Variants in OCIAD1 observed in about 807,000 individuals in gnomAD.
The protein encoded by OCIAD1 is OCIA domain-containing protein 1.
A neutral mutation model predicts 38.9 loss-of-function variants in OCIAD1; 29 were observed. The observed-to-expected ratio is 0.74, with a 90% CI of 0.55 to 1.02. OCIAD1 has a LOEUF of 1.02. Ranked by LOEUF, OCIAD1 falls within the 50% of genes least tolerant of loss-of-function variation. The pLI, the probability that OCIAD1 is intolerant of heterozygous loss-of-function variation, is 0.00. For synonymous variants in OCIAD1, 110 were observed against 92.0 expected (o/e 1.20, Z -1.12); for missense variants, 288 against 289.6 (o/e 0.99, Z 0.04).
chr4:48,838,058 C>G (rs961062391), intron 3 of OCIAD1, among the ~76,000 whole-genome samples: 1 of 152,100 alleles, frequency 6.6e-6, no homozygotes, highest in African/African-American at 2.4e-5. Context: ...TGGCTCACAC[C>G]TGTAATCCCA....
rs1777448192 is a variant in OCIAD1 at position 48,831,180 on chromosome 4, T to C, written c.-75T>C. 1 of 315,360 alleles carries C rather than the reference T, an allele frequency of 3.2e-6. No homozygotes were observed. Among genetic ancestry groups the C allele is most frequent in the African/African-American group, 2.2e-5 (1 of 45,808 alleles). 19.5% of individuals were successfully genotyped at this position (315,360 alleles called of 1,614,324 possible). On this transcript the variant is annotated 5_prime_UTR_variant, in exon 1 of 9. Transcript: ENST00000264312. ...TTCTCCCTCCCTGCCCCCTCTCGAG[T>C]CCACCCTCCGGGCCTTCTGCCCCTG...
At chr4:48,812,734 G>T (rs1007788005) in intron 1 of OCIAD1, among the ~76,000 whole-genome samples, 1 of 152,214 alleles carries the variant, frequency 6.6e-6, no homozygotes, top group Non-Finnish European at 1.5e-5. Flanking sequence ...GACACAGGAA[G>T]TAGAGATAAT....
chr4:48,853,357 C>T (rs1229583435), intron 7 of OCIAD1, among the ~76,000 whole-genome samples: 1 of 152,088 alleles, frequency 6.6e-6, no homozygotes, highest in Non-Finnish European at 1.5e-5. Flanking sequence ...TCATTCCTGT[C>T]CTAAACCTCT....
At chr4:48,809,771 G>A (rs992248658) in intron 1 of OCIAD1, among the ~76,000 whole-genome samples, 25 of 152,018 alleles carry the variant, frequency 1.6e-4, no homozygotes, top group African/African-American at 5.6e-4. Flanking sequence ...TTCTTCCCTT[G>A]GCTAACTAAT....
chr4:48,847,244 T>C (rs1779053826), intron 4 of OCIAD1, among the ~76,000 whole-genome samples: 1 of 152,240 alleles, frequency 6.6e-6, no homozygotes, highest in South Asian at 2.1e-4. Context: ...CAGCATATCT[T>C]TTTCTGTGAA....
In OCIAD1 at chr4:48,832,654, G is replaced by A. The variant is rs1303396035; in HGVS notation, c.30G>A (p.Pro10=). 6.2e-6 allele frequency: 10 copies of A among 1,612,958 alleles called. No homozygotes were observed. Among genetic ancestry groups the A allele is most frequent in the South Asian group, 2.2e-5 (2 of 91,068 alleles). Residue 10 remains proline, a synonymous_variant, in exon 2 of 9, where the codon CCG becomes CCA. Coordinates refer to ENST00000264312, the MANE Select transcript of OCIAD1 (RefSeq NM_017830.4). MNGRADFRE[P]NAEVPRPIPH... ...ATGGGAGGGCTGATTTTCGAGAGCC[G>A]AATGCAGAGGTTCCAAGACCAATTC...
upstream of OCIAD1, among the ~76,000 whole-genome samples, chr4:48,827,771 C>T (rs182923181): frequency 1.8e-4 from 27 of 152,340 alleles, no homozygotes; most frequent in East Asian, 2.5e-3. Flanking sequence ...ATTGCAGGCA[C>T]GTGGCGTGGG....
intron 4 of OCIAD1, among the ~76,000 whole-genome samples, chr4:48,845,596 T>G (rs1198262130): frequency 6.6e-6 from 1 of 152,214 alleles, no homozygotes; most frequent in Non-Finnish European, 1.5e-5. Flanking sequence ...TGTATGGGTT[T>G]TTTTGTCTAG....
At chr4:48,822,961 C>G (rs1475484175) in intron 1 of OCIAD1, among the ~76,000 whole-genome samples, 1 of 152,136 alleles carries the variant, frequency 6.6e-6, no homozygotes, top group East Asian at 1.9e-4. Flanking sequence ...ATTAGTTCAA[C>G]CATTGTGGAA....
chr4:48,808,304 C>CA (rs1313817281), intron 1 of OCIAD1, among the ~76,000 whole-genome samples: 1 of 151,882 alleles, frequency 6.6e-6, no homozygotes, highest in African/African-American at 2.4e-5. Flanking sequence ...CTCATCTCTA[C>CA]AAAAAATACA....
chr4:48,807,179 C>A (rs1266516839), intron 1 of OCIAD1, among the ~76,000 whole-genome samples: 1 of 152,046 alleles, frequency 6.6e-6, no homozygotes, highest in African/African-American at 2.4e-5. Flanking sequence ...GTAGCTGGGA[C>A]TACAGTGCTT....
intron 3 of OCIAD1, among the ~76,000 whole-genome samples, chr4:48,838,727 AAAG>A (rs979517040): frequency 6.6e-6 from 1 of 152,242 alleles, no homozygotes; most frequent in African/African-American, 2.4e-5. Context: ...AATTTATAAA[AAAG>A]CACTTACTAA....
At chr4:48,836,690 A>G (rs1778017841) in intron 3 of OCIAD1, among the ~76,000 whole-genome samples, 1 of 152,236 alleles carries the variant, frequency 6.6e-6, no homozygotes, top group African/African-American at 2.4e-5. Context: ...AAGAATCAAC[A>G]AAGACCAAGA....
chr4:48,854,553 C>G lies in OCIAD1; in HGVS notation c.547+2578C>G, dbSNP rs140266396. Among the ~76,000 whole-genome samples, 3 of 152,292 alleles carry G rather than the reference C, an allele frequency of 2.0e-5. No individual in the cohort carries two copies. The East Asian group carries it at 5.8e-4, about 29-fold the overall frequency. ...TCCCCACCATTTGCATTAGGAAATT[C>G]TGTTATATAGTTTTTTTCCATACAA... On this transcript the variant is annotated intron_variant, in intron 7 of 8. Transcript: ENST00000264312.
At chr4:48,832,820 T>G (rs1266532851) in intron 2 of OCIAD1, 138 bp downstream of exon 2, 2 of 679,772 alleles carry the variant, frequency 2.9e-6, no homozygotes, top group East Asian at 2.5e-5. Flanking sequence ...CATGTTCTAG[T>G]CTTGTTATCT....
chr4:48,839,015 T>A (rs1160735756), intron 3 of OCIAD1, among the ~76,000 whole-genome samples: 1 of 152,212 alleles, frequency 6.6e-6, no homozygotes, highest in Admixed American at 6.5e-5. Context: ...CATATTCATG[T>A]TAAAATAGTT....
At chr4:48,845,029 G>A (rs1223119196) in intron 4 of OCIAD1, among the ~76,000 whole-genome samples, 1 of 151,982 alleles carries the variant, frequency 6.6e-6, no homozygotes, top group Middle Eastern at 3.2e-3. Context: ...AGGGCTGCCT[G>A]TATCCCCTTT....
chr4:48,835,301 TGCA>T (rs2109523432), intron 3 of OCIAD1, among the ~76,000 whole-genome samples: 1 of 152,280 alleles, frequency 6.6e-6, no homozygotes, highest in South Asian at 2.1e-4. Context: ...AGTGTGTAAC[TGCA>T]GAAGACTTTT....
intron 1 of OCIAD1, among the ~76,000 whole-genome samples, chr4:48,813,828 A>G (rs1777115317): frequency 6.6e-6 from 1 of 152,182 alleles, no homozygotes; most frequent in South Asian, 2.1e-4. Context: ...TTTTCTTAAG[A>G]GGAGCTCGTG....
Sources: gnomAD v4.1 joint callset for allele counts (sites outside exome capture counted in the v4.1 genomes callset) on GRCh38, gnomAD v4.1.1 for gene constraint, MANE v1.5 for transcripts, NCBI Gene and HGNC (gene_info 2026-07-23, HGNC 2026-07-21) for gene names.